The following FSTL5 variants were observed in gnomAD, a reference collection of about 807,000 sequenced individuals.
The protein encoded by FSTL5 is follistatin like 5.
Under a neutral mutation model 89.1 loss-of-function variants are expected in FSTL5, and 62 were observed. The ratio of observed to expected loss-of-function variants is 0.70; its 90% CI spans 0.57 to 0.86. The LOEUF is 0.86. FSTL5 is among the 40% of genes least tolerant of loss of function. The probability of loss-of-function intolerance (pLI) is 0.00; values close to 1 mark genes in which losing one functional copy is unlikely to be tolerated. For missense variants in FSTL5, 1,057 were observed against 1,001.6 expected, an observed-to-expected ratio of 1.06 and a Z score of -0.75; for synonymous variants, 383 against 346.2, an observed-to-expected ratio of 1.11 and a Z score of -1.18.
intron 4 of FSTL5, among the ~76,000 whole-genome samples, chr4:161,906,523 C>T (rs1733534225): frequency 1.3e-5 from 2 of 152,076 alleles, no homozygotes; most frequent in Admixed American, 1.3e-4. Flanking sequence ...CATCCCTGCC[C>T]AGCCTCTTCA....
At chr4:162,143,125 T>C (rs986712609) in intron 1 of FSTL5, among the ~76,000 whole-genome samples, 2 of 152,102 alleles carry the variant, frequency 1.3e-5, no homozygotes, top group African/African-American at 4.8e-5. Flanking sequence ...TGATATCTGA[T>C]TATAGGTAAC....
rs114564355 is a variant in FSTL5, at chr4:161,628,713, T to C, written c.894+27615A>G. On this transcript the variant is annotated intron_variant, in intron 7 of 15. Coordinates refer to ENST00000306100, the MANE Select transcript of FSTL5 (RefSeq NM_020116.5). ...GAAACCTCCATTACTAATTGGTAAT[T>C]TATTCCTTTTAACTTCCTATCAGGT... Among the ~76,000 whole-genome samples the C allele has an allele frequency of 7.9e-3, 1,203 of 152,216 alleles. 20 individuals are homozygous for C. The highest frequency in any genetic ancestry group is 0.027 in the African/African-American group (1,137 of 41,544).
At chr4:162,047,933 GT>G (rs1476783958) in intron 2 of FSTL5, among the ~76,000 whole-genome samples, 1 of 152,140 alleles carries the variant, frequency 6.6e-6, no homozygotes, top group Non-Finnish European at 1.5e-5. Context: ...TTTCATTCCT[GT>G]TTTGGCAGGT....
At chr4:162,039,276 A>G (rs942364718) in intron 2 of FSTL5, among the ~76,000 whole-genome samples, 9 of 151,858 alleles carry the variant, frequency 5.9e-5, no homozygotes, top group Admixed American at 2.0e-4. Flanking sequence ...CCCTTTTAGT[A>G]TGGGAGTAAT....
intron 4 of FSTL5, among the ~76,000 whole-genome samples, chr4:161,793,286 G>A (rs1729534755): frequency 6.6e-6 from 1 of 152,214 alleles, no homozygotes; most frequent in Non-Finnish European, 1.5e-5. Flanking sequence ...AGCTGGTAGT[G>A]TGCCAGGCCT....
intron 3 of FSTL5, among the ~76,000 whole-genome samples, chr4:161,942,501 TA>T (rs1734615664): frequency 6.6e-6 from 1 of 152,028 alleles, no homozygotes; most frequent in African/African-American, 2.4e-5. Context: ...ATAAAGAGAC[TA>T]AATCAGTAAT....
intron 3 of FSTL5, among the ~76,000 whole-genome samples, chr4:161,970,420 G>A (rs1735448709): frequency 6.6e-6 from 1 of 152,130 alleles, no homozygotes; most frequent in Non-Finnish European, 1.5e-5. Context: ...CTATGGGGAG[G>A]AATACAGATT....
intron 6 of FSTL5, among the ~76,000 whole-genome samples, chr4:161,673,291 T>C (rs1737183861): frequency 6.6e-6 from 1 of 152,068 alleles, no homozygotes; most frequent in Non-Finnish European, 1.5e-5. Context: ...CATCGACATT[T>C]TGTGGCATTT....
At chr4:161,407,819 T>G (rs1406966731) in intron 15 of FSTL5, among the ~76,000 whole-genome samples, 1 of 152,178 alleles carries the variant, frequency 6.6e-6, no homozygotes, top group Non-Finnish European at 1.5e-5. Context: ...CAGCCTCCAC[T>G]GCCCAGCCTG....
In FSTL5 at chr4:161,556,844, G is replaced by GTATATATATATATATA. The variant is rs962466232; in HGVS notation, c.1016-14152_1016-14151insTATATATATATATATA. On this transcript the variant is annotated intron_variant, in intron 8 of 15. Coordinates refer to ENST00000306100, the MANE Select transcript of FSTL5 (RefSeq NM_020116.5). ...TATATATATATGTGTGTGTGTGTGT[G>GTATATATATATATATA]TGTATATATATATATATAATCCTGG... 1.6e-4 allele frequency among the ~76,000 whole-genome samples: 23 copies of GTATATATATATATATA among 144,890 alleles called. 2 individuals carry two copies. The highest frequency in any genetic ancestry group is 4.0e-3 in the Middle Eastern group (1 of 252).
chr4:161,488,917 A>G (rs923175241), intron 12 of FSTL5, among the ~76,000 whole-genome samples: 5 of 152,152 alleles, frequency 3.3e-5, no homozygotes, highest in Non-Finnish European at 7.4e-5. Context: ...TATTCTCTCT[A>G]TCTGGCGTTT....
intron 4 of FSTL5, among the ~76,000 whole-genome samples, chr4:161,795,345 G>T (rs1579098511): frequency 6.6e-6 from 1 of 151,934 alleles, no homozygotes; most frequent in East Asian, 1.9e-4. Context: ...ATTCCAAAGG[G>T]GTAAGTAATT....
chr4:161,920,537 A>G lies in FSTL5; in HGVS notation c.276T>C (p.Leu92=), dbSNP rs1339883291. The change falls in exon 4 of 16, where the codon CTT becomes CTC. Residue 92 remains leucine, a synonymous_variant. Transcript: ENST00000306100. ...TGQAECACMD[L]CKRHYKPVCG... is the part of the protein sequence containing the mutation. The stretch of plus-strand genomic sequence containing the variant: ...ACACAGGTTTGTAGTGACGTTTGCA[A>G]AGGTCCATACAGGCACATTCTGCTT... 1.9e-6 allele frequency: 3 copies of G among 1,613,944 alleles called. No individual in the cohort carries two copies. The highest frequency in any genetic ancestry group is 1.3e-5 in the African/African-American group (1 of 74,910).
intron 15 of FSTL5, among the ~76,000 whole-genome samples, chr4:161,449,037 G>A (rs1334812603): frequency 2.0e-5 from 3 of 152,174 alleles, no homozygotes; most frequent in Non-Finnish European, 4.4e-5. Context: ...GTCAAGCCAT[G>A]CCAAATGAAG....
chr4:161,640,195 G>A (rs970539455), intron 7 of FSTL5, among the ~76,000 whole-genome samples: 1 of 152,092 alleles, frequency 6.6e-6, no homozygotes, highest in African/African-American at 2.4e-5. Flanking sequence ...AAAATTCTGG[G>A]GAAGAAAGAG....
chr4:161,559,298 A>G (rs944771137), intron 8 of FSTL5, among the ~76,000 whole-genome samples: 6 of 151,600 alleles, frequency 4.0e-5, no homozygotes, highest in Non-Finnish European at 8.8e-5. Flanking sequence ...ATGACTCCTA[A>G]AATAACTGCT....
intron 4 of FSTL5, among the ~76,000 whole-genome samples, chr4:161,840,069 G>T (rs1731165556): frequency 6.6e-6 from 1 of 152,154 alleles, no homozygotes; most frequent in African/African-American, 2.4e-5. Context: ...TTTTAATACT[G>T]TTGATAATGT....
chr4:161,429,147 A>G (rs1413975632), intron 15 of FSTL5, among the ~76,000 whole-genome samples: 1 of 151,960 alleles, frequency 6.6e-6, no homozygotes, highest in East Asian at 2.0e-4. Context: ...AAGACTGGGA[A>G]GGGCTTTTTT....
intron 6 of FSTL5, among the ~76,000 whole-genome samples, chr4:161,680,087 G>C (rs909966888): frequency 2.0e-5 from 3 of 151,692 alleles, no homozygotes; most frequent in Admixed American, 6.6e-5. Flanking sequence ...ATTATACCAA[G>C]ATAATTGAAA....
Sources: allele counts gnomAD v4.1 joint callset (sites outside exome capture counted in the v4.1 genomes callset), GRCh38; gene constraint gnomAD v4.1.1; transcripts MANE v1.5; gene names NCBI Gene and HGNC (gene_info 2026-07-23, HGNC 2026-07-21).